Variants in DTNB observed in about 807,000 individuals in gnomAD.
DTNB encodes DTN-B.
DTNB carries 63 observed loss-of-function variants against 90.7 expected under a neutral mutation model. The observed-to-expected ratio is 0.69, with a 90% CI of 0.57 to 0.86. The LOEUF (loss-of-function observed/expected upper bound fraction) is 0.86, where lower values mean the gene tolerates loss of function less well. Ranked by LOEUF, DTNB falls within the 40% of genes least tolerant of loss-of-function variation. The probability of loss-of-function intolerance (pLI) is 0.00; values close to 1 mark genes in which losing one functional copy is unlikely to be tolerated. For missense variants in DTNB, 744 were observed against 807.1 expected (o/e 0.92, Z 0.95); for synonymous variants, 277 against 286.7 (o/e 0.97, Z 0.34).
At chr2:25,536,284 T>A (rs1448399065) in intron 8 of DTNB, among the ~76,000 whole-genome samples, 1 of 152,192 alleles carries the variant, frequency 6.6e-6, no homozygotes, top group African/African-American at 2.4e-5. Context: ...GAGATGCTGC[T>A]CACTTCCTAC....
At chr2:25,391,484 T>G (rs913906595) in intron 16 of DTNB, among the ~76,000 whole-genome samples, 1 of 152,082 alleles carries the variant, frequency 6.6e-6, no homozygotes, top group African/African-American at 2.4e-5. Flanking sequence ...AAATATCCAG[T>G]AAGTACATGG....
chr2:25,380,151 C>T (rs151073728), intron 19 of DTNB, among the ~76,000 whole-genome samples: 137 of 152,288 alleles, frequency 9.0e-4, no homozygotes, highest in African/African-American at 3.1e-3. Context: ...CTCACAGTTT[C>T]CTTATCGAGC....
intron 8 of DTNB, among the ~76,000 whole-genome samples, chr2:25,552,430 A>G (rs944415939): frequency 1.3e-5 from 2 of 152,048 alleles, no homozygotes; most frequent in Non-Finnish European, 2.9e-5. Context: ...TATACTCTAC[A>G]CCTGCCTGAG....
chr2:25,531,305 A>G (rs1422772412), intron 9 of DTNB, among the ~76,000 whole-genome samples, 168 bp downstream of exon 9: 3 of 152,244 alleles, frequency 2.0e-5, no homozygotes, highest in African/African-American at 7.2e-5. Flanking sequence ...TGGACACTTA[A>G]CGGTGATTTA....
chr2:25,533,749 C>T (rs2078739490), intron 8 of DTNB, among the ~76,000 whole-genome samples: 1 of 152,150 alleles, frequency 6.6e-6, no homozygotes, highest in Admixed American at 6.6e-5. Context: ...CTCCCTTTCC[C>T]AATCTATCTT....
intron 5 of DTNB, among the ~76,000 whole-genome samples, chr2:25,606,187 A>G (rs781280091): frequency 1.2e-4 from 13 of 107,772 alleles, no homozygotes; most frequent in Non-Finnish European, 2.1e-4. Context: ...TGTATCTTTC[A>G]ATTTAAAAAA....
intron 8 of DTNB, among the ~76,000 whole-genome samples, chr2:25,563,550 A>C (rs2058563847): frequency 6.6e-6 from 1 of 152,170 alleles, no homozygotes; most frequent in African/African-American, 2.4e-5. Context: ...ACTTACATCT[A>C]ATCTCTTTTT....
intron 10 of DTNB, among the ~76,000 whole-genome samples, chr2:25,459,969 C>T (rs1195219023): frequency 1.3e-5 from 2 of 152,108 alleles, no homozygotes; most frequent in African/African-American, 4.8e-5. Context: ...GATATTTCCT[C>T]TCTAGAAAGT....
At chr2:25,475,326 T>C (rs532494485) in intron 10 of DTNB, among the ~76,000 whole-genome samples, 1 of 152,296 alleles carries the variant, frequency 6.6e-6, no homozygotes, top group South Asian at 2.1e-4. Context: ...GGATAGAAGA[T>C]CAAATCAGCC....
chr2:25,398,211 T>A (rs1231931000), intron 16 of DTNB, among the ~76,000 whole-genome samples: 1 of 152,182 alleles, frequency 6.6e-6, no homozygotes, highest in Admixed American at 6.5e-5. Flanking sequence ...CTGCCCACCA[T>A]CAGCCTGGAA....
chr2:25,509,975 G>A (rs1007799063), intron 9 of DTNB, among the ~76,000 whole-genome samples: 3 of 151,484 alleles, frequency 2.0e-5, no homozygotes, highest in African/African-American at 4.8e-5. Flanking sequence ...GGTCTCGAAC[G>A]CCTGACCTCA....
intron 9 of DTNB, among the ~76,000 whole-genome samples, chr2:25,523,897 C>CTTTTT (rs869167435): frequency 1.7e-5 from 2 of 115,858 alleles, no homozygotes; most frequent in Non-Finnish European, 3.7e-5. Flanking sequence ...GTCATCTGTA[C>CTTTTT]TTTTTTTTTT....
At chr2:25,434,044 T>G in intron 12 of DTNB, 49 bp from the exon 13 acceptor site, 2 of 1,516,010 alleles carry the variant, frequency 1.3e-6, no homozygotes, top group Admixed American at 1.9e-5. Flanking sequence ...GATCCAAATA[T>G]ACCCAGAGTT....
At chr2:25,615,445 C>T (rs1343852333) in intron 4 of DTNB, among the ~76,000 whole-genome samples, 1 of 152,126 alleles carries the variant, frequency 6.6e-6, no homozygotes, top group African/African-American at 2.4e-5. Flanking sequence ...ATGATTAGCT[C>T]CCCTGGCAAA....
chr2:25,653,511 CTTTCTTTTTT>C (rs1243341912), intron 1 of DTNB, among the ~76,000 whole-genome samples: 14 of 82,800 alleles, frequency 1.7e-4, no homozygotes, highest in African/African-American at 7.5e-4. Context: ...TTCTTTCTTT[CTTTCTTTTTT>C]TTTTTTTTTT....
At chr2:25,628,144 A>G (rs1293920665) in intron 4 of DTNB, 27 bp downstream of exon 4, 1 of 1,602,702 alleles carries the variant, frequency 6.2e-7, no homozygotes, top group Non-Finnish European at 8.5e-7. Context: ...AAAATGAAGT[A>G]AGCGTGTAAG....
chr2:25,552,986 G>A (rs1014424035), intron 8 of DTNB, among the ~76,000 whole-genome samples: 17 of 150,240 alleles, frequency 1.1e-4, no homozygotes, highest in Admixed American at 3.3e-4. Flanking sequence ...TCAGCCTCCC[G>A]AGTAGCTGGG....
intron 8 of DTNB, among the ~76,000 whole-genome samples, chr2:25,550,307 C>T (rs548676856): frequency 1.3e-5 from 2 of 152,062 alleles, no homozygotes; most frequent in African/African-American, 4.8e-5. Context: ...AAGAGAATGG[C>T]GTGAACCCGG....
intron 3 of DTNB, among the ~76,000 whole-genome samples, chr2:25,636,667 C>T (rs1023721139): frequency 1.3e-5 from 2 of 152,122 alleles, no homozygotes; most frequent in African/African-American, 4.8e-5. Context: ...TCATCATGTA[C>T]ACACACAAAC....
Sources: gnomAD v4.1 joint callset for allele counts (sites outside exome capture counted in the v4.1 genomes callset) on GRCh38, gnomAD v4.1.1 for gene constraint, MANE v1.5 for transcripts, NCBI Gene and HGNC (gene_info 2026-07-23, HGNC 2026-07-21) for gene names.